Variants in PPP2R2D observed in about 807,000 individuals in gnomAD.
PPP2R2D encodes protein phosphatase 2 regulatory subunit Bdelta.
Under a neutral mutation model 31.1 loss-of-function variants are expected in PPP2R2D, and 9 were observed. The observed-to-expected ratio is 0.29, with a 90% CI of 0.17 to 0.51. The LOEUF (loss-of-function observed/expected upper bound fraction) is 0.51. Ranked by LOEUF, PPP2R2D falls within the 20% of genes least tolerant of loss-of-function variation. PPP2R2D has a pLI of 0.98. For synonymous variants in PPP2R2D, 179 were observed against 172.6 expected (o/e 1.04, Z -0.29); for missense variants, 391 against 465.6 (o/e 0.84, Z 1.48).
chr10:131,930,286 A>G (rs953067766), intron 2 of PPP2R2D, among the ~76,000 whole-genome samples: 1 of 152,100 alleles, frequency 6.6e-6, no homozygotes, highest in Non-Finnish European at 1.5e-5. Flanking sequence ...ATCAGCTCTC[A>G]GCTCTTCTTG....
chr10:131,962,387 G>T (rs782169883), downstream of PPP2R2D, among the ~76,000 whole-genome samples: 10 of 152,202 alleles, frequency 6.6e-5, no homozygotes, highest in Admixed American at 2.6e-4. Flanking sequence ...GGCGAAACCT[G>T]TGATTTCTTT....
intron 2 of PPP2R2D, among the ~76,000 whole-genome samples, chr10:131,910,057 G>T (rs1033201012): frequency 6.6e-6 from 1 of 152,172 alleles, no homozygotes; most frequent in Admixed American, 6.5e-5. Context: ...AAAATGTGGC[G>T]TCACACTTCC....
intron 2 of PPP2R2D, among the ~76,000 whole-genome samples, chr10:131,915,382 G>A (rs7096694): frequency 1.2e-3 from 176 of 152,172 alleles, no homozygotes; most frequent in African/African-American, 3.8e-3. Context: ...CTCACATTGG[G>A]ATAGGTTGCT....
At chr10:131,917,179 C>A (rs11146261) in intron 2 of PPP2R2D, among the ~76,000 whole-genome samples, 5 of 55,200 alleles carry the variant, frequency 9.1e-5, no homozygotes, top group East Asian at 9.6e-4. Flanking sequence ...AATGACACAG[C>A]GTTTGTAGGG....
At chr10:131,909,212 A>G (rs964888957) in intron 2 of PPP2R2D, among the ~76,000 whole-genome samples, 37 of 152,156 alleles carry the variant, frequency 2.4e-4, no homozygotes, top group South Asian at 2.1e-4. Flanking sequence ...CTCTGGCAGA[A>G]AAGGGAGTGG....
chr10:131,918,315 G>A (rs1373393065), intron 2 of PPP2R2D, among the ~76,000 whole-genome samples: 1 of 145,812 alleles, frequency 6.9e-6, no homozygotes, highest in Non-Finnish European at 1.5e-5. Flanking sequence ...GATCTCACGT[G>A]GGTGGAATGA....
intron 2 of PPP2R2D, among the ~76,000 whole-genome samples, chr10:131,908,968 T>C: frequency 6.6e-6 from 1 of 152,336 alleles, no homozygotes; most frequent in East Asian, 1.9e-4. Context: ...CAGGAAACGC[T>C]GTTTGGACAC....
At chr10:131,970,802 A>G in the PPP2R2D span, 1 of 1,614,236 alleles carries the variant, frequency 6.2e-7, no homozygotes, top group Non-Finnish European at 8.5e-7. This position sits in a 1 kb window ranked among gnomAD's most constrained non-coding sequence, Gnocchi z 4.1. Flanking sequence ...GGCGGGAAGA[A>G]ACGTGTCAGC....
the PPP2R2D span, chr10:131,966,653 G>C: frequency 3.9e-5 from 6 of 152,206 alleles, no homozygotes; most frequent in East Asian, 9.7e-4. Flanking sequence ...TGGGCTCAAG[G>C]GATCCTCCTG....
chr10:131,918,655 C>A (rs868964504), intron 2 of PPP2R2D, among the ~76,000 whole-genome samples: 2 of 110,622 alleles, frequency 1.8e-5, no homozygotes, highest in African/African-American at 3.6e-5. Flanking sequence ...TTTGTAGGGA[C>A]CTCAGGCGGG....
chr10:131,971,395 C>A, the PPP2R2D span: 2 of 206,186 alleles, frequency 9.7e-6, no homozygotes, highest in Non-Finnish European at 2.0e-5. Flanking sequence ...GGAAGGGACA[C>A]TGTATAGTGA....
chr10:131,929,904 C>T (rs1589943008), intron 2 of PPP2R2D, among the ~76,000 whole-genome samples: 2 of 152,190 alleles, frequency 1.3e-5, no homozygotes, highest in Non-Finnish European at 2.9e-5. Context: ...CACCTGAGGC[C>T]GCCCCGGTTG....
chr10:131,917,938 G>A lies in PPP2R2D; in HGVS notation c.101-16520G>A, dbSNP rs562477570. ...ACAGTGTAGGGACCTCAGGCGGGTG[G>A]AATGACACAGTGTTTGTAGGGACCT... On this transcript the variant is annotated intron_variant, in intron 2 of 8. Transcript: ENST00000455566. 3.6e-4 allele frequency among the ~76,000 whole-genome samples: 48 copies of A among 132,036 alleles called. 1 individual carries two copies. Among genetic ancestry groups the A allele is most frequent in the Non-Finnish European group, 5.3e-4 (32 of 60,796 alleles). The allele number at this position is 132,036 out of a possible 152,430, so 86.6% of individuals were successfully genotyped here. A position where few individuals can be genotyped will look rare whatever the true frequency, so the allele number is the denominator to read the frequency against.
At chr10:131,951,328 T>G (rs1437595019) in intron 8 of PPP2R2D, among the ~76,000 whole-genome samples, 1 of 152,192 alleles carries the variant, frequency 6.6e-6, no homozygotes, top group Non-Finnish European at 1.5e-5. Flanking sequence ...AGCCCACAGG[T>G]GCATCATTAG....
chr10:131,955,658 C>T (rs1554899773), intron 8 of PPP2R2D, 26 bp from the exon 9 acceptor site: 2 of 1,400,608 alleles, frequency 1.4e-6, no homozygotes, highest in Non-Finnish European at 1.9e-6. Flanking sequence ...CTGAGGAGTG[C>T]TGCTGTCTGC....
chr10:131,935,088 G>T, intron 3 of PPP2R2D: 2 of 409,018 alleles, frequency 4.9e-6, no homozygotes, highest in Non-Finnish European at 1.0e-5. Context: ...GTGGGCCTTG[G>T]AGGAGCCCAC....
rs1332405064 is a variant in PPP2R2D, at chr10:131,911,685, A to G, written c.100+10355A>G. The stretch of plus-strand genomic sequence containing the variant: ...AGCGTGAAAACGGCAGATGATGTAC[A>G]AGGATTATGATGAAAATAGTCTTGA... On this transcript the variant is annotated intron_variant, in intron 2 of 8. Transcript: ENST00000455566. 5 of 152,188 alleles carry G rather than the reference A, an allele frequency of 3.3e-5. No homozygotes were observed. In the East Asian group the frequency reaches 9.6e-4, roughly 29 times the overall value. The allele number at this position is 152,188 out of a possible 1,614,324, so 9.4% of individuals were successfully genotyped here.
Position 131,901,025 on chromosome 10 carries a change from G to A in PPP2R2D, c.-124G>A. 6.8e-6 allele frequency: 1 copy of A among 146,144 alleles called. No homozygotes were observed. The highest frequency in any genetic ancestry group is 1.4e-5 in the Non-Finnish European group (1 of 69,150). 9.1% of individuals were successfully genotyped at this position (146,144 alleles called of 1,614,324 possible). A position where few individuals can be genotyped will look rare whatever the true frequency, so the allele number is the denominator to read the frequency against. On this transcript the variant is annotated 5_prime_UTR_variant, in exon 1 of 9. Transcript: ENST00000455566. ...AAAGGGAAAAAAATCCCTCCCCGGC[G>A]GCGGCGGCGGCGGCGGCGGCGCCGG... is the stretch of plus-strand genomic sequence containing the variant.
chr10:131,971,023 A>G, the PPP2R2D span: 1 of 1,533,192 alleles, frequency 6.5e-7, no homozygotes, highest in Non-Finnish European at 8.9e-7. Context: ...GTGACACGGG[A>G]AAGCACCCAG....
Sources: gnomAD v4.1 joint callset for allele counts (sites outside exome capture counted in the v4.1 genomes callset) on GRCh38, gnomAD v4.1.1 for gene constraint, Gnocchi (gnomAD v3.1) non-coding constraint, MANE v1.5 for transcripts, NCBI Gene and HGNC (gene_info 2026-07-23, HGNC 2026-07-21) for gene names.